AKAP7: variants seen among roughly 807,000 people sequenced by gnomAD.
AKAP7 encodes the protein A-kinase anchoring protein 7.
Under a neutral mutation model 39.5 loss-of-function variants are expected in AKAP7, and 39 were observed. The ratio of observed to expected loss-of-function variants is 0.99; its 90% CI spans 0.76 to 1.29. The LOEUF is 1.29. AKAP7 is among the 50% of genes most tolerant of loss of function. The probability of loss-of-function intolerance (pLI) is 0.00; values close to 1 mark genes in which losing one functional copy is unlikely to be tolerated. For missense variants in AKAP7, 414 were observed against 407.7 expected, an observed-to-expected ratio of 1.02 and a Z score of -0.13; for synonymous variants, 140 against 139.1, an observed-to-expected ratio of 1.01 and a Z score of -0.05.
chr6:131,188,476 A>T (rs552248631), intron 5 of AKAP7, among the ~76,000 whole-genome samples: 4 of 152,058 alleles, frequency 2.6e-5, no homozygotes, highest in Non-Finnish European at 5.9e-5. Context: ...GTATCTTGCA[A>T]TTGGAAGACA....
At chr6:131,166,447 T>TAGTCCCAGCTACTCGGGAGG (rs1803507166) in intron 4 of AKAP7, among the ~76,000 whole-genome samples, 1 of 152,244 alleles carries the variant, frequency 6.6e-6, no homozygotes, top group African/African-American at 2.4e-5. Flanking sequence ...TCTGTATCTG[T>TAGTCCCAGCTACTCGGGAGG]CTGTGTAGAC....
At chr6:131,231,262 C>G (rs1054050761) in intron 7 of AKAP7, among the ~76,000 whole-genome samples, 1 of 151,954 alleles carries the variant, frequency 6.6e-6, no homozygotes, top group Non-Finnish European at 1.5e-5. Context: ...AGGAGCATAT[C>G]TATGTGAAAT....
intron 7 of AKAP7, among the ~76,000 whole-genome samples, chr6:131,279,736 A>G (rs1268072569): frequency 2.0e-5 from 3 of 152,168 alleles, no homozygotes; most frequent in African/African-American, 7.2e-5. Context: ...GAGAAAGCTG[A>G]CTAGATTCAG....
At chr6:131,154,887 GA>G (rs1423554044) in intron 2 of AKAP7, among the ~76,000 whole-genome samples, 1 of 152,058 alleles carries the variant, frequency 6.6e-6, no homozygotes, top group Non-Finnish European at 1.5e-5. Context: ...TATTGTTGAA[GA>G]AATCAGGTTG....
intron 7 of AKAP7, among the ~76,000 whole-genome samples, chr6:131,235,880 G>C (rs1811011552): frequency 6.6e-6 from 1 of 152,198 alleles, no homozygotes; most frequent in African/African-American, 2.4e-5. Flanking sequence ...ACTGATGGTA[G>C]TTTCTTTTGC....
chr6:131,227,914 G>C lies in AKAP7; in HGVS notation c.850+8106G>C, dbSNP rs188526444. ...TTAAAAGGCTTGCTAGTCTTAAAAG[G>C]CTTGTTGTGGTTCACCCAGGGATTT... On this transcript the variant is annotated intron_variant, in intron 7 of 7. Coordinates refer to ENST00000431975, the MANE Select transcript of AKAP7 (RefSeq NM_016377.4). Among the ~76,000 whole-genome samples the C allele has an allele frequency of 1.8e-4, 27 of 152,254 alleles. 1 individual carries two copies. Among genetic ancestry groups the C allele is most frequent in the East Asian group, 1.7e-3 (9 of 5,180 alleles).
intron 7 of AKAP7, among the ~76,000 whole-genome samples, chr6:131,250,953 A>G (rs1356058299): frequency 6.6e-6 from 1 of 152,214 alleles, no homozygotes; most frequent in African/African-American, 2.4e-5. Flanking sequence ...TCGATTTGAT[A>G]TACTGTACAA....
intron 2 of AKAP7, among the ~76,000 whole-genome samples, chr6:131,146,865 A>G (rs1376371967): frequency 6.6e-6 from 1 of 152,238 alleles, no homozygotes; most frequent in East Asian, 1.9e-4. Flanking sequence ...ATAGCCAGGC[A>G]TTGTGCTGGA....
rs200082443 is a variant in AKAP7 at position 131,281,735 on chromosome 6, C to T, written c.*9C>T. ...AGAACAACAGGAAATGAGCCCGGAA[C>T]GCAGGCCCCCATGTCTCTGTGCAAA... On this transcript the variant is annotated 3_prime_UTR_variant, in exon 8 of 8. Transcript: ENST00000431975. The surrounding 1 kb of genome is among the most constrained non-coding windows in gnomAD (Gnocchi z 4.0). The T allele has an allele frequency of 2.6e-5, 42 of 1,586,848 alleles. No individual in the cohort carries two copies. In the East Asian group the frequency reaches 2.7e-4, roughly 10 times the overall value.
In AKAP7 at chr6:131,169,113, T is replaced by G; in HGVS notation, c.429T>G (p.Ile143Met). 1 of 1,602,414 alleles carries G rather than the reference T, an allele frequency of 6.2e-7. No homozygotes were observed. Among genetic ancestry groups the G allele is most frequent in the East Asian group, 2.2e-5 (1 of 44,756 alleles). Residue 143 changes from isoleucine to methionine, a missense_variant and splice_region_variant, in exon 5 of 8, where the codon ATT becomes ATG. Physicochemically the swap from Ile to Met is conservative, Grantham distance 10 (BLOSUM62 1). Transcript: ENST00000431975. ...MQLLNEDEVN[I>M]GIDALLELKP... ...TGAAAAATGTATTATTTCTTACTAG[T>G]GGTATTGATGCTCTTTTGGAATTGA...
At chr6:131,160,901 C>G (rs1802877278) in intron 3 of AKAP7, among the ~76,000 whole-genome samples, 1 of 152,176 alleles carries the variant, frequency 6.6e-6, no homozygotes, top group Non-Finnish European at 1.5e-5. Flanking sequence ...ACTACTGCAT[C>G]TCATTACAAC....
At chr6:131,164,688 C>T (rs938143705) in intron 3 of AKAP7, among the ~76,000 whole-genome samples, 1 of 152,154 alleles carries the variant, frequency 6.6e-6, no homozygotes, top group African/African-American at 2.4e-5. Context: ...CTTGACCTTT[C>T]TGTGGCAAGA....
chr6:131,178,167 A>G (rs1430504519), intron 5 of AKAP7, among the ~76,000 whole-genome samples: 1 of 152,164 alleles, frequency 6.6e-6, no homozygotes, highest in African/African-American at 2.4e-5. Context: ...CACGAGCACA[A>G]TCTGTCCAGC....
intron 1 of AKAP7, among the ~76,000 whole-genome samples, chr6:131,142,975 T>C (rs928320341): frequency 6.6e-6 from 1 of 152,238 alleles, no homozygotes; most frequent in East Asian, 1.9e-4. Flanking sequence ...GTGGAGCCTG[T>C]TGCCCCTTTC....
intron 6 of AKAP7, 31 bp from the exon 7 acceptor site, chr6:131,219,626 ATGAT>A (rs778523898): frequency 1.5e-5 from 23 of 1,564,112 alleles, no homozygotes; most frequent in African/African-American, 2.8e-5. Context: ...CATGGGTGAA[ATGAT>A]TGATTGATTG....
At chr6:131,241,693 T>C (rs1811639037) in intron 7 of AKAP7, among the ~76,000 whole-genome samples, 1 of 149,714 alleles carries the variant, frequency 6.7e-6, no homozygotes, top group African/African-American at 2.5e-5. Context: ...TGGGTATGAA[T>C]GAAATAGCTG....
chr6:131,234,040 A>G (rs1315580451), intron 7 of AKAP7, among the ~76,000 whole-genome samples: 1 of 152,196 alleles, frequency 6.6e-6, no homozygotes, highest in Non-Finnish European at 1.5e-5. Flanking sequence ...TGGTTGTCAC[A>G]CTGGCAGAGT....
At chr6:131,186,522 T>C (rs1366794560) in intron 5 of AKAP7, among the ~76,000 whole-genome samples, 2 of 152,216 alleles carry the variant, frequency 1.3e-5, no homozygotes, top group African/African-American at 2.4e-5. Context: ...CATTTGACCT[T>C]CCTGCTGTTA....
At chr6:131,277,770 C>T (rs904557391) in intron 7 of AKAP7, among the ~76,000 whole-genome samples, 1 of 152,154 alleles carries the variant, frequency 6.6e-6, no homozygotes, top group African/African-American at 2.4e-5. Flanking sequence ...TGGTCATAGT[C>T]TGAGGATACT....
Sources: allele counts gnomAD v4.1 joint callset (sites outside exome capture counted in the v4.1 genomes callset), GRCh38; gene constraint gnomAD v4.1.1; non-coding constraint Gnocchi (gnomAD v3.1); transcripts MANE v1.5; gene names NCBI Gene and HGNC (gene_info 2026-07-23, HGNC 2026-07-21).